The following MCCC1 variants were observed in gnomAD, a reference collection of about 807,000 sequenced individuals.
MCCC1 encodes methylcrotonoyl-CoA carboxylase subunit alpha, mitochondrial.
In MCCC1, 64 loss-of-function variants were observed where a neutral mutation model predicts 83.8. The observed-to-expected ratio is 0.76, with a 90% CI of 0.62 to 0.94. MCCC1 has a LOEUF of 0.94. MCCC1 is among the 40% of genes least tolerant of loss of function. MCCC1 has a pLI of 0.00. For missense variants in MCCC1, 807 were observed against 904.7 expected (o/e 0.89, Z 1.39); for synonymous variants, 322 against 315.4 (o/e 1.02, Z -0.22).
At chr3:183,071,443 A>T in intron 5 of MCCC1, 86 bp from the exon 6 acceptor site, 2 of 1,576,158 alleles carry the variant, frequency 1.3e-6, no homozygotes, top group Non-Finnish European at 1.7e-6. Context: ...CAGTCTATAA[A>T]TTACAATGGA....
intron 15 of MCCC1, among the ~76,000 whole-genome samples, chr3:183,023,361 A>C (rs2108442913): frequency 6.6e-6 from 1 of 152,340 alleles, no homozygotes; most frequent in Non-Finnish European, 1.5e-5. Context: ...CCTAAGTTAA[A>C]TATGACATTT....
At chr3:183,025,844 A>G in intron 14 of MCCC1, 40 bp from the exon 15 acceptor site, 1 of 1,535,114 alleles carries the variant, frequency 6.5e-7, no homozygotes, top group Non-Finnish European at 9.0e-7. Context: ...AAATTAGAAG[A>G]CATTCATTTA....
At position 183,071,072 on chromosome 3, in the gene MCCC1, A is replaced by C; in HGVS notation, c.688T>G (p.Ser230Ala). The change falls in exon 7 of 19, where the codon TCA (serine) becomes GCA (alanine). Residue 230 changes from serine (S) to alanine (A), a missense_variant. By Grantham distance (99) the Ser-to-Ala change is moderately conservative. Transcript: ENST00000265594. ...SEQEFQEQLE[S>A]ARREAKKSFN... Reference sequence around the variant, plus strand: ...GACTTCTTAGCTTCTCTCCGTGCTGACTCTAACTGTTCTTGAAATTCTTGT... The same window carrying C: ...GACTTCTTAGCTTCTCTCCGTGCTGCCTCTAACTGTTCTTGAAATTCTTGT... 1 of 1,614,176 alleles carries C rather than the reference A, an allele frequency of 6.2e-7. No individual in the cohort carries two copies. Among genetic ancestry groups the C allele is most frequent in the Non-Finnish European group, 8.5e-7 (1 of 1,180,030 alleles).
upstream of MCCC1, among the ~76,000 whole-genome samples, chr3:183,101,627 C>A (rs1719306821): frequency 6.6e-6 from 1 of 152,328 alleles, no homozygotes; most frequent in East Asian, 1.9e-4. Context: ...CTGGGCTCTA[C>A]CAATCAGCAG....
chr3:183,039,010 G>A lies in MCCC1; in HGVS notation c.1377+16C>T. ...CAAACACATCAAGGTCACTGGCACG[G>A]TCTCAGATCACTCACATTGTACTGA... On this transcript the variant is annotated intron_variant, in intron 12 of 18. Transcript: ENST00000265594. The A allele has an allele frequency of 6.2e-7, 1 of 1,609,762 alleles. No homozygotes were observed. Among genetic ancestry groups the A allele is most frequent in the Non-Finnish European group, 8.5e-7 (1 of 1,176,008 alleles).
chr3:183,054,140 C>T (rs1434742591), intron 8 of MCCC1, among the ~76,000 whole-genome samples: 1 of 151,032 alleles, frequency 6.6e-6, no homozygotes, highest in Non-Finnish European at 1.5e-5. Context: ...TCTCAGCCTC[C>T]CAAAGCCCTG....
upstream of MCCC1, among the ~76,000 whole-genome samples, chr3:183,102,037 A>C (rs1214980721): frequency 6.6e-6 from 1 of 152,122 alleles, no homozygotes; most frequent in Non-Finnish European, 1.5e-5. Flanking sequence ...GAGCTGTAAC[A>C]CTCACCGCGA....
chr3:183,020,827 A>C (rs1457145805), intron 16 of MCCC1, among the ~76,000 whole-genome samples: 1 of 152,190 alleles, frequency 6.6e-6, no homozygotes, highest in Admixed American at 6.5e-5. Flanking sequence ...TAGGAGGCCA[A>C]GGTGGGCAGA....
At chr3:183,022,930 T>C (rs919105565) in intron 15 of MCCC1, among the ~76,000 whole-genome samples, 1 of 152,232 alleles carries the variant, frequency 6.6e-6, no homozygotes, top group Non-Finnish European at 1.5e-5. Flanking sequence ...TATAAACTTA[T>C]TTCTGAGTAT....
At chr3:183,026,005 T>G (rs957405796) in intron 14 of MCCC1, among the ~76,000 whole-genome samples, 3 of 152,172 alleles carry the variant, frequency 2.0e-5, no homozygotes, top group Non-Finnish European at 4.4e-5. Context: ...AATTTCAAAC[T>G]TTTCTTTTTT....
intron 3 of MCCC1, among the ~76,000 whole-genome samples, chr3:183,087,551 T>G (rs1460614401): frequency 1.3e-5 from 2 of 152,052 alleles, no homozygotes; most frequent in Non-Finnish European, 2.9e-5. Flanking sequence ...AGGAAATGCC[T>G]AGAAGGGAAG....
chr3:183,035,317 A>C (rs185729591), intron 13 of MCCC1, among the ~76,000 whole-genome samples: 182 of 152,346 alleles, frequency 1.2e-3, no homozygotes, highest in African/African-American at 4.1e-3. Context: ...AGGATAGAGC[A>C]CAAATCTTCT....
intron 1 of MCCC1, among the ~76,000 whole-genome samples, chr3:183,110,406 T>G (rs1004114045): frequency 6.7e-6 from 1 of 149,580 alleles, no homozygotes; most frequent in South Asian, 2.1e-4. Flanking sequence ...TTTTTTTTTT[T>G]TTTTTGAGAC....
intron 7 of MCCC1, among the ~76,000 whole-genome samples, chr3:183,069,530 G>C (rs1204292171): frequency 6.6e-6 from 1 of 152,024 alleles, no homozygotes; most frequent in African/African-American, 2.4e-5. Flanking sequence ...CCATGCTCAG[G>C]ACAGTTGTTT....
At chr3:183,112,295 G>C (rs976053392) in intron 1 of MCCC1, among the ~76,000 whole-genome samples, 1 of 152,248 alleles carries the variant, frequency 6.6e-6, no homozygotes, top group Non-Finnish European at 1.5e-5. Flanking sequence ...ACATAACAAG[G>C]ACAGAAGGTA....
At chr3:183,067,648 G>C (rs1241363639) in intron 7 of MCCC1, among the ~76,000 whole-genome samples, 1 of 152,166 alleles carries the variant, frequency 6.6e-6, no homozygotes, top group Non-Finnish European at 1.5e-5. Flanking sequence ...CCTGGATGCT[G>C]CTCAGAAGAA....
chr3:183,099,292 G>C (rs1316357213), intron 1 of MCCC1, 60 bp downstream of exon 1: 2 of 1,534,154 alleles, frequency 1.3e-6, no homozygotes, highest in African/African-American at 2.7e-5. Context: ...CACCGCTCAC[G>C]CGGGTCCGTG....
chr3:183,106,969 C>T (rs571730160), intron 1 of MCCC1, among the ~76,000 whole-genome samples: 9 of 152,144 alleles, frequency 5.9e-5, no homozygotes, highest in African/African-American at 2.2e-4. Context: ...TTACCTCTAA[C>T]TATGTCACTG....
At position 183,063,926 on chromosome 3, in the gene MCCC1, G is replaced by A. The variant is rs189755442; in HGVS notation, c.762-6504C>T. On this transcript the variant is annotated intron_variant, in intron 7 of 18. Coordinates refer to ENST00000265594, the MANE Select transcript of MCCC1 (RefSeq NM_020166.5). ...GGCAAAGGATAGGATTGGGTTACAG[G>A]CCCAACTTGGTGGAGTTAAAGTCTC... Among the ~76,000 whole-genome samples, 63 of 152,250 alleles carry A rather than the reference G, an allele frequency of 4.1e-4. 1 individual carries two copies. Among genetic ancestry groups the A allele is most frequent in the Admixed American group, 3.9e-3 (60 of 15,292 alleles).
Sources: allele counts gnomAD v4.1 joint callset (sites outside exome capture counted in the v4.1 genomes callset), GRCh38; gene constraint gnomAD v4.1.1; transcripts MANE v1.5; gene names NCBI Gene and HGNC (gene_info 2026-07-23, HGNC 2026-07-21).